The following EML2 variants were observed in gnomAD, a reference collection of about 807,000 sequenced individuals.
EML2 encodes echinoderm microtubule-associated protein-like 2.
In EML2, 59 loss-of-function variants were observed where a neutral mutation model predicts 84.7. The ratio of observed to expected loss-of-function variants is 0.70; its 90% CI spans 0.56 to 0.86. The LOEUF (loss-of-function observed/expected upper bound fraction) is 0.86, where lower values mean the gene tolerates loss of function less well. Among genes scored for constraint, EML2 ranks in the 40% least tolerant of loss-of-function variants. EML2 has a pLI of 0.00. For synonymous variants in EML2, 352 were observed against 348.9 expected (o/e 1.01, Z -0.10); for missense variants, 818 against 855.6 (o/e 0.96, Z 0.55).
At chr19:45,639,413 G>A (rs1239110057), upstream of EML2, 30 of 1,251,704 alleles carry the variant, frequency 2.4e-5, no homozygotes, top group Non-Finnish European at 2.9e-5. Flanking sequence ...CGGGGGTGGA[G>A]CCGGGACCGG....
intron 6 of EML2, among the ~76,000 whole-genome samples, chr19:45,630,349 C>T (rs1460482971): frequency 6.6e-6 from 1 of 151,842 alleles, no homozygotes; most frequent in Non-Finnish European, 1.5e-5. Context: ...GTCAGGAGTT[C>T]GAGGCCAGCC....
chr19:45,615,529 A>AATAATG (rs1970942611), intron 16 of EML2, among the ~76,000 whole-genome samples: 1 of 128,746 alleles, frequency 7.8e-6, no homozygotes, highest in Non-Finnish European at 1.6e-5. Flanking sequence ...AAATAATAAT[A>AATAATG]ATAATAATAA....
intron 5 of EML2, 40 bp from the exon 6 acceptor site, chr19:45,633,011 TGC>T: frequency 6.4e-7 from 1 of 1,564,432 alleles, no homozygotes; most frequent in Non-Finnish European, 8.6e-7. Context: ...GGGTGCCAGC[TGC>T]TTGTCCCCCA....
chr19:45,612,521 A>G (rs1970599604), intron 18 of EML2, among the ~76,000 whole-genome samples: 3 of 152,236 alleles, frequency 2.0e-5, no homozygotes, highest in Non-Finnish European at 2.9e-5. Flanking sequence ...GAAAAATACA[A>G]AAATTGGCCA....
At chr19:45,615,214 C>T (rs891046520) in intron 16 of EML2, among the ~76,000 whole-genome samples, 2 of 152,064 alleles carry the variant, frequency 1.3e-5, no homozygotes, top group African/African-American at 4.8e-5. Flanking sequence ...GTGGTGGACA[C>T]CTGGAATCCC....
chr19:45,630,760 A>G (rs554772369), intron 6 of EML2, among the ~76,000 whole-genome samples: 1 of 152,244 alleles, frequency 6.6e-6, no homozygotes, highest in East Asian at 1.9e-4. Flanking sequence ...TGCTGACATC[A>G]TCTCATTTGC....
chr19:45,634,200 A>G, intron 4 of EML2, 122 bp downstream of exon 4: 1 of 1,340,068 alleles, frequency 7.5e-7, no homozygotes, highest in Non-Finnish European at 1.0e-6. Context: ...GAGAGGGAGC[A>G]AAGGCTTAGC....
upstream of EML2, among the ~76,000 whole-genome samples, chr19:45,645,093 C>G (rs1974928427): frequency 6.6e-6 from 1 of 151,964 alleles, no homozygotes; most frequent in Non-Finnish European, 1.5e-5. Flanking sequence ...GGATGGGGGG[C>G]TGGGATCTAG....
chr19:45,631,931 G>A (rs1368947927), intron 6 of EML2, among the ~76,000 whole-genome samples: 2 of 120,380 alleles, frequency 1.7e-5, no homozygotes, highest in African/African-American at 3.2e-5. Context: ...TCGCCCTGTC[G>A]CCCAGGCTGC....
At chr19:45,621,163 A>G in intron 11 of EML2, 44 bp downstream of exon 11, 1 of 1,603,394 alleles carries the variant, frequency 6.2e-7, no homozygotes, top group Non-Finnish European at 8.5e-7. Flanking sequence ...AAGGCCAGGG[A>G]AAGAGCTGGG....
rs1026584573 is a variant in EML2 at position 45,617,612 on chromosome 19, T to C, written c.1322+18A>G. 1.1e-5 allele frequency: 18 copies of C among 1,610,064 alleles called. No individual in the cohort carries two copies. Among genetic ancestry groups the C allele is most frequent in the Non-Finnish European group, 1.4e-5 (17 of 1,177,988 alleles). On this transcript the variant is annotated intron_variant, in intron 13 of 18. Coordinates refer to ENST00000245925, the MANE Select transcript of EML2 (RefSeq NM_012155.4). The stretch of plus-strand genomic sequence containing the variant: ...AGGGAGCAGAGAAGGCCTCCCGAAA[T>C]GCTCTCCTCAGCTTTACCTGCCAGT...
At position 45,638,532 on chromosome 19, in the gene EML2, G is replaced by A. The variant is rs758488963; in HGVS notation, c.152C>T (p.Pro51Leu). Residue 51 changes from proline (P) to leucine (L), a missense_variant, in exon 3 of 19, where the codon CCT (proline) becomes CTT (leucine). By Grantham distance (98) the Pro-to-Leu change is moderately conservative (BLOSUM62 -3). Coordinates refer to ENST00000245925, the MANE Select transcript of EML2 (RefSeq NM_012155.4). ...CCACTCCAGCTTGAGCCGGCAAGAA[G>A]GCAGCTCCGAGCGTGTGTCCAGGCT... is the stretch of plus-strand genomic sequence containing the variant. ...TYSLDTRSELPSCRLKLEWVY... is the reference protein window; with the variant it reads ...TYSLDTRSELLSCRLKLEWVY... 6.2e-7 allele frequency: 1 copy of A among 1,614,102 alleles called. No individual in the cohort carries two copies. The highest frequency in any genetic ancestry group is 1.7e-5 in the Admixed American group (1 of 60,004).
intron 9 of EML2, among the ~76,000 whole-genome samples, chr19:45,622,359 T>C (rs946455574): frequency 1.3e-5 from 2 of 152,154 alleles, no homozygotes; most frequent in Non-Finnish European, 2.9e-5. Flanking sequence ...CACCCTGCCA[T>C]CCATCCATCA....
At position 45,632,782 on chromosome 19, in the gene EML2, A is replaced by AG. The variant is rs1973217163; in HGVS notation, c.510+78dup. 7 of 1,249,786 alleles carry AG rather than the reference A, an allele frequency of 5.6e-6. No individual in the cohort carries two copies. The Admixed American group carries it at 1.2e-4, about 22-fold the overall frequency. The allele number at this position is 1,249,786 out of a possible 1,614,324, so 77.4% of individuals were successfully genotyped here. On this transcript the variant is annotated intron_variant, in intron 6 of 18. Transcript: ENST00000245925. ...AGCAGGATTCCCGGCCCTCAACCCA[A>AG]GGGGCGGGTGAAAAGGTGCGGGCAC...
chr19:45,632,888 G>C lies in EML2; in HGVS notation c.483C>G (p.Ala161=). 1 of 1,614,116 alleles carries C rather than the reference G, an allele frequency of 6.2e-7. No homozygotes were observed. Among genetic ancestry groups the C allele is most frequent in the Non-Finnish European group, 8.5e-7 (1 of 1,179,974 alleles). ...HVLGLGVFDR[A]VCCVGFSKSN... is the part of the protein sequence containing the mutation. ...ATTTGGAGAAGCCCACACAGCACAC[G>C]GCTCTGTCAAACACCCCCAAGCCCA... Residue 161 remains alanine, a synonymous_variant, in exon 6 of 19, where the codon GCC becomes GCG. Coordinates refer to ENST00000245925, the MANE Select transcript of EML2 (RefSeq NM_012155.4).
upstream of EML2, chr19:45,644,739 G>A (rs1377835108): frequency 2.2e-6 from 1 of 455,884 alleles, no homozygotes; most frequent in African/African-American, 2.0e-5. Context: ...GGTCCTTCTG[G>A]TATCACACCC....
At position 45,636,921 on chromosome 19, in the gene EML2, T is replaced by G. The variant is rs79063055; in HGVS notation, c.179+1584A>C. Among the ~76,000 whole-genome samples, 1,002 of 152,396 alleles carry G rather than the reference T, an allele frequency of 6.6e-3. 69 individuals are homozygous for G. In the East Asian group the frequency reaches 0.16, roughly 25 times the overall value. On this transcript the variant is annotated intron_variant, in intron 3 of 18. Transcript: ENST00000245925. ...AAGATCGTGCCACTGCACTCTAGCC[T>G]GGGTGTCTCAAAAACAAGAAAATAT...
At chr19:45,624,668 G>A in intron 9 of EML2, 51 bp downstream of exon 9, 1 of 1,381,330 alleles carries the variant, frequency 7.2e-7, no homozygotes. Flanking sequence ...GCAGAGCCAG[G>A]AGTGTTTCAG....
intron 16 of EML2, among the ~76,000 whole-genome samples, 198 bp downstream of exon 16, chr19:45,615,604 C>A (rs1355022246): frequency 1.3e-5 from 2 of 151,616 alleles, no homozygotes; most frequent in African/African-American, 2.4e-5. Context: ...ACCCATCCGA[C>A]CGGAAAGGGG....
Sources: allele counts gnomAD v4.1 joint callset (sites outside exome capture counted in the v4.1 genomes callset), GRCh38; gene constraint gnomAD v4.1.1; transcripts MANE v1.5; gene names NCBI Gene and HGNC (gene_info 2026-07-23, HGNC 2026-07-21).